BCL11A: variants seen among roughly 807,000 people sequenced by gnomAD.
BCL11A encodes BCL11 transcription factor A, also known as B cell CLL/lymphoma 11A.
In BCL11A, 2 loss-of-function variants were observed where a neutral mutation model predicts 55.9. The ratio of observed to expected loss-of-function variants is 0.04; its 90% CI spans 0.01 to 0.11. The LOEUF (loss-of-function observed/expected upper bound fraction) is 0.11. Ranked by LOEUF, BCL11A falls within the 10% of genes least tolerant of loss-of-function variation. The pLI is 1.00. For synonymous variants in BCL11A, 465 were observed against 473.4 expected (o/e 0.98, Z 0.23); for missense variants, 817 against 1,137.1 (o/e 0.72, Z 4.05).
At chr2:60,523,727 C>A (rs1023669242) in intron 2 of BCL11A, among the ~76,000 whole-genome samples, 1 of 151,768 alleles carries the variant, frequency 6.6e-6, no homozygotes, top group Non-Finnish European at 1.5e-5. Context: ...CAAAATCATT[C>A]ATTGCCAGGC....
chr2:60,549,431 G>A (rs1670294394), intron 1 of BCL11A, among the ~76,000 whole-genome samples: 1 of 152,228 alleles, frequency 6.6e-6, no homozygotes, highest in South Asian at 2.1e-4. Context: ...CTGAAATTCA[G>A]AGAGGAAAAG....
intron 2 of BCL11A, among the ~76,000 whole-genome samples, chr2:60,470,404 A>G (rs185385089): frequency 1.2e-3 from 178 of 152,334 alleles, no homozygotes; most frequent in African/African-American, 4.2e-3. Context: ...GAAATCTGAG[A>G]ATCCATCTTT....
In BCL11A at chr2:60,459,444, C is replaced by T. The variant is rs1375549058; in HGVS notation, c.*960G>A. The T allele has an allele frequency of 4.9e-6, 5 of 1,021,926 alleles. No homozygotes were observed. The African/African-American group carries it at 8.5e-5, about 17-fold the overall frequency. 63.3% of individuals were successfully genotyped at this position (1,021,926 alleles called of 1,614,324 possible). ...ATTTCTTTTAAGCTCTCACCAGGAG[C>T]AAAGTAGCTTTTATACTGGTATAAT... On this transcript the variant is annotated 3_prime_UTR_variant, in exon 4 of 4. Transcript: ENST00000642384.
At chr2:60,475,083 A>G (rs920459025) in intron 2 of BCL11A, among the ~76,000 whole-genome samples, 24 of 152,250 alleles carry the variant, frequency 1.6e-4, no homozygotes, top group African/African-American at 4.8e-4. Context: ...AAGCAGGTAA[A>G]GATGCTTAGA....
chr2:60,541,602 T>A (rs1383801193), intron 2 of BCL11A, among the ~76,000 whole-genome samples: 1 of 152,250 alleles, frequency 6.6e-6, no homozygotes, highest in Non-Finnish European at 1.5e-5. Flanking sequence ...CCCAGTTTCA[T>A]GAACATTAGT....
At position 60,457,591 on chromosome 2, in the gene BCL11A, C is replaced by T. The variant is rs904011074; in HGVS notation, c.*2813G>A. 1.9e-6 allele frequency: 2 copies of T among 1,043,676 alleles called. No individual in the cohort carries two copies. Among genetic ancestry groups the T allele is most frequent in the Admixed American group, 5.6e-5 (1 of 17,924 alleles). The allele number at this position is 1,043,676 out of a possible 1,614,324, so 64.7% of individuals were successfully genotyped here. Reference sequence around the variant, plus strand: ...TAAAGCGGGCTTTCTCTTTAATATGCTTTGCATATGAAATTCTTTCCAATC... The same window carrying T: ...TAAAGCGGGCTTTCTCTTTAATATGTTTTGCATATGAAATTCTTTCCAATC... On this transcript the variant is annotated 3_prime_UTR_variant, in exon 4 of 4. Transcript: ENST00000642384.
rs1676029813 is a variant in BCL11A at position 60,458,050 on chromosome 2, C to T, written c.*2354G>A. 12 of 1,028,054 alleles carry T rather than the reference C, an allele frequency of 1.2e-5. No individual in the cohort carries two copies. Among genetic ancestry groups the T allele is most frequent in the Non-Finnish European group, 1.4e-5 (12 of 857,020 alleles). 63.7% of individuals were successfully genotyped at this position (1,028,054 alleles called of 1,614,324 possible). On this transcript the variant is annotated 3_prime_UTR_variant, in exon 4 of 4. Coordinates refer to ENST00000642384, the MANE Select transcript of BCL11A (RefSeq NM_022893.4). Reference sequence around the variant, plus strand: ...CAGCCTGTCTTTTTTTTTTCCACTACCAAAAAAGGTACATTGATACCTTTT... The same window carrying T: ...CAGCCTGTCTTTTTTTTTTCCACTATCAAAAAAGGTACATTGATACCTTTT...
At chr2:60,521,636 T>A (rs1451164616) in intron 2 of BCL11A, among the ~76,000 whole-genome samples, 3 of 152,232 alleles carry the variant, frequency 2.0e-5, no homozygotes, top group East Asian at 3.8e-4. Context: ...GAAGGCTGCT[T>A]AACCCTTGAC....
intron 2 of BCL11A, among the ~76,000 whole-genome samples, chr2:60,498,073 G>T (rs371615233): frequency 3.9e-5 from 6 of 152,040 alleles, no homozygotes; most frequent in South Asian, 2.1e-4. Context: ...CTTCTCTTTG[G>T]GGGAGGACAT....
chr2:60,503,571 C>G (rs1056535788), intron 2 of BCL11A, among the ~76,000 whole-genome samples: 1 of 152,192 alleles, frequency 6.6e-6, no homozygotes, highest in Non-Finnish European at 1.5e-5. Flanking sequence ...TGAGTGCAGA[C>G]CAAGCTCCCA....
chr2:60,487,830 G>C lies in BCL11A; in HGVS notation c.386-18997C>G, dbSNP rs77890283. The stretch of plus-strand genomic sequence containing the variant: ...CTGGAAATTTATGAACCTTTAATGG[G>C]AAATCTGGATAAGAATTTGGTCTAA... On this transcript the variant is annotated intron_variant, in intron 2 of 3. Coordinates refer to ENST00000642384, the MANE Select transcript of BCL11A (RefSeq NM_022893.4). Among the ~76,000 whole-genome samples, 333 of 152,314 alleles carry C rather than the reference G, an allele frequency of 2.2e-3. 13 individuals carry two copies. The East Asian group carries it at 0.049, about 23-fold the overall frequency.
At chr2:60,510,246 G>A (rs1323399598) in intron 2 of BCL11A, among the ~76,000 whole-genome samples, 2 of 152,104 alleles carry the variant, frequency 1.3e-5, no homozygotes, top group Non-Finnish European at 2.9e-5. Flanking sequence ...AAAAATCCCT[G>A]CTCTACGTCC....
At chr2:60,491,075 C>A (rs1218361076) in intron 2 of BCL11A, among the ~76,000 whole-genome samples, 1 of 152,180 alleles carries the variant, frequency 6.6e-6, no homozygotes, top group Non-Finnish European at 1.5e-5. Flanking sequence ...AGACTGTGCG[C>A]CAGGTTGGTA....
At chr2:60,501,076 C>T (rs1313119438) in intron 2 of BCL11A, among the ~76,000 whole-genome samples, 2 of 152,192 alleles carry the variant, frequency 1.3e-5, no homozygotes, top group African/African-American at 2.4e-5. Context: ...CCACAGGAGC[C>T]CTGCCCACAT....
At chr2:60,537,630 T>C (rs2104684505) in intron 2 of BCL11A, 1 of 152,334 alleles carries the variant, frequency 6.6e-6, no homozygotes, top group Middle Eastern at 3.4e-3. Flanking sequence ...AACATAAGAA[T>C]CCAAGCTACA....
intron 2 of BCL11A, among the ~76,000 whole-genome samples, chr2:60,492,034 T>C (rs554305322): frequency 6.6e-6 from 1 of 152,318 alleles, no homozygotes; most frequent in African/African-American, 2.4e-5. Flanking sequence ...GCACAGGAGA[T>C]GCTACATTGT....
intron 1 of BCL11A, among the ~76,000 whole-genome samples, chr2:60,547,507 C>T (rs1670209578): frequency 7.3e-6 from 1 of 137,446 alleles, no homozygotes; most frequent in Admixed American, 7.1e-5. Context: ...TATGCTTGCT[C>T]TATCAAAAAA....
Position 60,462,153 on chromosome 2 carries a change from G to A in BCL11A, c.759C>T (p.Gly253=). Residue 253 remains glycine, a synonymous_variant, in exon 4 of 4, where the codon GGC becomes GGT. Coordinates refer to ENST00000642384, the MANE Select transcript of BCL11A (RefSeq NM_022893.4). The stretch of plus-strand genomic sequence containing the variant: ...TGGGTGGAAAGCGCCCTTCTGCCAG[G>A]CCGGAAGCCTCTCTCGATACTGATC... The part of the protein sequence containing the change: ...IPGSVSREAS[G]LAEGRFPPTP... The A allele has an allele frequency of 6.4e-7, 1 of 1,567,152 alleles. No individual in the cohort carries two copies.
chr2:60,512,433 A>T (rs907130229), intron 2 of BCL11A, among the ~76,000 whole-genome samples: 8 of 152,064 alleles, frequency 5.3e-5, no homozygotes, highest in African/African-American at 1.9e-4. Flanking sequence ...GTCTCCTTCT[A>T]CCTGCCCCTG....
Sources: allele counts gnomAD v4.1 joint callset (sites outside exome capture counted in the v4.1 genomes callset), GRCh38; gene constraint gnomAD v4.1.1; transcripts MANE v1.5; gene names NCBI Gene and HGNC (gene_info 2026-07-23, HGNC 2026-07-21).